Variants in INPP4B observed in about 807,000 individuals in gnomAD.
The protein encoded by INPP4B is inositol polyphosphate-4-phosphatase type II B.
Under a neutral mutation model 122.5 loss-of-function variants are expected in INPP4B, and 55 were observed. The observed-to-expected ratio is 0.45, with a 90% CI of 0.36 to 0.56. The LOEUF (loss-of-function observed/expected upper bound fraction) is 0.56. Among genes scored for constraint, INPP4B ranks in the 20% least tolerant of loss-of-function variants. The pLI is 0.00. For missense variants in INPP4B, 1,000 were observed against 1,097.7 expected (o/e 0.91, Z 1.26); for synonymous variants, 403 against 388.7 (o/e 1.04, Z -0.43).
intron 3 of INPP4B, among the ~76,000 whole-genome samples, chr4:142,434,771 T>A (rs1012751016): frequency 1.3e-5 from 2 of 152,006 alleles, no homozygotes; most frequent in Non-Finnish European, 2.9e-5. Flanking sequence ...TCAGAAAGCA[T>A]GAGAGAGGAC....
chr4:142,302,420 A>C (rs2151143657), intron 9 of INPP4B, among the ~76,000 whole-genome samples: 1 of 152,264 alleles, frequency 6.6e-6, no homozygotes, highest in African/African-American at 2.4e-5. Flanking sequence ...AAAGAGACAA[A>C]ATGTCGGTCA....
chr4:142,625,792 T>C (rs1307210514), intron 2 of INPP4B, among the ~76,000 whole-genome samples: 1 of 151,910 alleles, frequency 6.6e-6, no homozygotes, highest in African/African-American at 2.4e-5. Flanking sequence ...GAGATATAGA[T>C]CAATGGAACA....
chr4:142,376,596 C>T (rs1791936573), intron 7 of INPP4B, among the ~76,000 whole-genome samples: 2 of 152,002 alleles, frequency 1.3e-5, no homozygotes, highest in African/African-American at 4.8e-5. Flanking sequence ...CCCTTTCCCT[C>T]CTTAAGAAAT....
In INPP4B at chr4:142,447,725, A is replaced by T. The variant is rs376244430; in HGVS notation, c.-127+14938T>A. Among the ~76,000 whole-genome samples, 4 of 152,280 alleles carry T rather than the reference A, an allele frequency of 2.6e-5. No individual in the cohort carries two copies. In the East Asian group the frequency reaches 7.7e-4, roughly 29 times the overall value. ...CAATAAGCATAATAAATAGGAGTGA[A>T]GATATGTATAGCTAGGCATTTGTAA... is the stretch of plus-strand genomic sequence containing the variant. On this transcript the variant is annotated intron_variant, in intron 3 of 25. Transcript: ENST00000262992.
chr4:142,405,125 G>C (rs1579970607), intron 6 of INPP4B, 81 bp downstream of exon 6: 7 of 690,142 alleles, frequency 1.0e-5, no homozygotes, highest in African/African-American at 4.0e-5. Context: ...GGGTGGGGGG[G>C]AGGGAGAGAG....
At chr4:142,299,810 C>T (rs546844956) in intron 9 of INPP4B, among the ~76,000 whole-genome samples, 2 of 151,802 alleles carry the variant, frequency 1.3e-5, no homozygotes, top group Admixed American at 6.6e-5. Flanking sequence ...TACCACCCCC[C>T]CAAAAAACTG....
chr4:142,316,827 A>T (rs906315637), intron 7 of INPP4B, among the ~76,000 whole-genome samples: 2 of 152,210 alleles, frequency 1.3e-5, no homozygotes, highest in African/African-American at 4.8e-5. Context: ...TATGGTACAT[A>T]GGTTATAACA....
intron 1 of INPP4B, among the ~76,000 whole-genome samples, chr4:142,779,572 T>A (rs920126080): frequency 6.6e-6 from 1 of 152,116 alleles, no homozygotes; most frequent in Non-Finnish European, 1.5e-5. Flanking sequence ...ACCAACATGG[T>A]ACACTGAGGT....
intron 7 of INPP4B, among the ~76,000 whole-genome samples, chr4:142,373,118 C>G (rs1478259797): frequency 6.6e-6 from 1 of 151,992 alleles, no homozygotes; most frequent in Non-Finnish European, 1.5e-5. Flanking sequence ...TTTTGAAAAT[C>G]CAACTCCATA....
chr4:142,077,226 T>A (rs746594829), intron 25 of INPP4B, among the ~76,000 whole-genome samples: 1 of 151,902 alleles, frequency 6.6e-6, no homozygotes, highest in Non-Finnish European at 1.5e-5. Flanking sequence ...TACATAGGTA[T>A]ATGCTGAAAC....
chr4:142,222,048 C>T (rs1055474377), intron 12 of INPP4B, among the ~76,000 whole-genome samples: 1 of 152,224 alleles, frequency 6.6e-6, no homozygotes, highest in African/African-American at 2.4e-5. Context: ...CAACTTCTGC[C>T]TCCTGGGCTC....
chr4:142,388,503 C>T (rs1796647370), intron 7 of INPP4B, among the ~76,000 whole-genome samples: 1 of 151,826 alleles, frequency 6.6e-6, no homozygotes, highest in South Asian at 2.1e-4. Context: ...TTAGAAAAAA[C>T]AGAGGAGGAG....
At chr4:142,443,779 C>T (rs182120477) in intron 3 of INPP4B, among the ~76,000 whole-genome samples, 22 of 151,784 alleles carry the variant, frequency 1.4e-4, no homozygotes, top group African/African-American at 4.4e-4. Context: ...GCATCTAAAC[C>T]GCACTCTAAG....
At chr4:142,619,886 C>A (rs2150367830) in intron 2 of INPP4B, among the ~76,000 whole-genome samples, 1 of 152,050 alleles carries the variant, frequency 6.6e-6, no homozygotes. Flanking sequence ...AGTAAGGATA[C>A]TTTCTGAAAT....
chr4:142,189,993 A>G (rs1036403447), intron 15 of INPP4B, among the ~76,000 whole-genome samples: 2 of 152,350 alleles, frequency 1.3e-5, no homozygotes, highest in African/African-American at 2.4e-5. Context: ...TTCTTATGCT[A>G]AACCCTTTTC....
At position 142,024,432 on chromosome 4, in the gene INPP4B, A is replaced by G. The variant is rs143477593; in HGVS notation, c.*4350T>C. On this transcript the variant is annotated 3_prime_UTR_variant, in exon 26 of 26. Coordinates refer to ENST00000262992, the MANE Select transcript of INPP4B (RefSeq NM_001101669.3). ...TGCATAATTTTTAAGGCCTCCAGCT[A>G]CTATGATGCCTTGTGTTCAATATGT... 7.4e-4 allele frequency: 112 copies of G among 152,300 alleles called. No individual in the cohort carries two copies. Among genetic ancestry groups the G allele is most frequent in the Admixed American group, 3.8e-3 (58 of 15,290 alleles). 9.4% of individuals were successfully genotyped at this position (152,300 alleles called of 1,614,324 possible).
At chr4:142,616,837 CAG>C (rs1346529778) in intron 2 of INPP4B, among the ~76,000 whole-genome samples, 1 of 152,036 alleles carries the variant, frequency 6.6e-6, no homozygotes, top group Admixed American at 6.6e-5. Flanking sequence ...GACTCAGAAA[CAG>C]AGAGCCAAAA....
intron 2 of INPP4B, among the ~76,000 whole-genome samples, chr4:142,516,410 C>T (rs1396294069): frequency 6.6e-6 from 1 of 152,204 alleles, no homozygotes; most frequent in East Asian, 1.9e-4. Context: ...AGTATTTATA[C>T]ACATAGGTTC....
chr4:142,452,000 C>A (rs1027998769), intron 3 of INPP4B, among the ~76,000 whole-genome samples: 12 of 152,152 alleles, frequency 7.9e-5, no homozygotes, highest in Admixed American at 6.5e-4. Context: ...GTTTGCTGCA[C>A]CCATCAACTC....
Sources: allele counts gnomAD v4.1 joint callset (sites outside exome capture counted in the v4.1 genomes callset), GRCh38; gene constraint gnomAD v4.1.1; transcripts MANE v1.5; gene names NCBI Gene and HGNC (gene_info 2026-07-23, HGNC 2026-07-21).